NAALADL2: variants seen among roughly 807,000 people sequenced by gnomAD.
NAALADL2 encodes N-acetylated alpha-linked acidic dipeptidase like 2.
NAALADL2 carries 76 observed loss-of-function variants against 87.2 expected under a neutral mutation model. The ratio of observed to expected loss-of-function variants is 0.87; its 90% CI spans 0.72 to 1.05. NAALADL2 has a LOEUF of 1.05. Among genes scored for constraint, NAALADL2 ranks in the 50% least tolerant of loss-of-function variants. The pLI, the probability that NAALADL2 is intolerant of heterozygous loss-of-function variation, is 0.00. For synonymous variants in NAALADL2, 354 were observed against 331.0 expected (o/e 1.07, Z -0.75); for missense variants, 1,089 against 945.8 (o/e 1.15, Z -1.99).
At chr3:175,787,483 G>A (rs866106044) in intron 13 of NAALADL2, among the ~76,000 whole-genome samples, 6 of 152,160 alleles carry the variant, frequency 3.9e-5, no homozygotes, top group South Asian at 4.1e-4. Flanking sequence ...TTCCAGGTGC[G>A]TCCGTCACCC....
chr3:174,680,161 T>C (rs1727405198), intron 2 of NAALADL2, among the ~76,000 whole-genome samples: 1 of 151,936 alleles, frequency 6.6e-6, no homozygotes, highest in Non-Finnish European at 1.5e-5. Context: ...TCTCAAAATG[T>C]TGAAACTTGG....
intron 1 of NAALADL2, among the ~76,000 whole-genome samples, chr3:174,503,393 G>C (rs1406159151): frequency 1.3e-5 from 2 of 152,082 alleles, no homozygotes; most frequent in Non-Finnish European, 2.9e-5. Flanking sequence ...ATGCCAGTCA[G>C]TAATTAAAAC....
intron 2 of NAALADL2, among the ~76,000 whole-genome samples, chr3:174,715,203 T>C (rs1401862285): frequency 6.6e-6 from 1 of 152,310 alleles, no homozygotes; most frequent in East Asian, 1.9e-4. Flanking sequence ...ATATATCACC[T>C]AGTTATACCT....
At chr3:175,692,803 AT>A (rs1408416617) in intron 11 of NAALADL2, among the ~76,000 whole-genome samples, 7 of 151,848 alleles carry the variant, frequency 4.6e-5, no homozygotes, top group African/African-American at 1.2e-4. Flanking sequence ...TTCATTTCTG[AT>A]TTTTTTTCCA....
chr3:174,814,073 T>C (rs1720514159), intron 3 of NAALADL2, among the ~76,000 whole-genome samples: 1 of 152,048 alleles, frequency 6.6e-6, no homozygotes, highest in Admixed American at 6.6e-5. Context: ...GACAACTGTC[T>C]GTTTAGGTAA....
intron 1 of NAALADL2, among the ~76,000 whole-genome samples, chr3:174,996,874 G>A (rs1473283683): frequency 6.6e-6 from 1 of 151,942 alleles, no homozygotes; most frequent in Non-Finnish European, 1.5e-5. Context: ...ACTGATAAAT[G>A]AGAACATACA....
intron 2 of NAALADL2, among the ~76,000 whole-genome samples, chr3:174,681,452 G>A (rs1002252488): frequency 3.3e-5 from 5 of 152,084 alleles, no homozygotes; most frequent in African/African-American, 1.2e-4. Context: ...TGCCTGCAGA[G>A]GAGAGGGAAG....
At chr3:174,825,026 G>C (rs552817772) in intron 3 of NAALADL2, among the ~76,000 whole-genome samples, 1 of 152,246 alleles carries the variant, frequency 6.6e-6, no homozygotes, top group East Asian at 1.9e-4. Context: ...CCCTTTTTCA[G>C]TTTCAAGAAA....
intron 5 of NAALADL2, among the ~76,000 whole-genome samples, chr3:175,339,003 T>C (rs1415279566): frequency 6.6e-6 from 1 of 152,164 alleles, no homozygotes; most frequent in Non-Finnish European, 1.5e-5. Flanking sequence ...CAGGAGGAGT[T>C]TGAAAGCGTC....
intron 5 of NAALADL2, among the ~76,000 whole-genome samples, chr3:175,358,872 G>C (rs965222379): frequency 4.6e-4 from 70 of 152,176 alleles, no homozygotes; most frequent in African/African-American, 1.7e-3. Context: ...AAAAGGTTTA[G>C]GGCCATGCCT....
chr3:174,599,738 C>G (rs1718259719), intron 2 of NAALADL2, among the ~76,000 whole-genome samples: 1 of 152,054 alleles, frequency 6.6e-6, no homozygotes, highest in Non-Finnish European at 1.5e-5. Context: ...TTATTCTTCT[C>G]CTTCCCCTGC....
intron 5 of NAALADL2, among the ~76,000 whole-genome samples, chr3:175,438,527 T>G (rs918611097): frequency 1.3e-5 from 2 of 152,102 alleles, no homozygotes; most frequent in Non-Finnish European, 2.9e-5. Context: ...GATGTTTGGG[T>G]CATTTTCATA....
chr3:175,372,302 G>T (rs1415107737), intron 5 of NAALADL2, among the ~76,000 whole-genome samples: 1 of 152,178 alleles, frequency 6.6e-6, no homozygotes. Context: ...CTTCTGGAGC[G>T]AAAACATGCA....
intron 2 of NAALADL2, among the ~76,000 whole-genome samples, chr3:174,657,655 A>G (rs1027092658): frequency 6.6e-6 from 1 of 152,150 alleles, no homozygotes; most frequent in Non-Finnish European, 1.5e-5. Context: ...AATTGACATC[A>G]GGATTCACTC....
At chr3:174,737,283 G>A (rs1461161925) in intron 2 of NAALADL2, among the ~76,000 whole-genome samples, 1 of 152,204 alleles carries the variant, frequency 6.6e-6, no homozygotes, top group Non-Finnish European at 1.5e-5. Context: ...TTACAGGTGT[G>A]AGCCACTGTG....
chr3:175,244,932 G>A (rs2109675534), intron 3 of NAALADL2, among the ~76,000 whole-genome samples: 1 of 152,232 alleles, frequency 6.6e-6, no homozygotes, highest in South Asian at 2.1e-4. Flanking sequence ...TCTCTCAGCA[G>A]GAGAAAGTAA....
intron 1 of NAALADL2, among the ~76,000 whole-genome samples, chr3:175,085,416 C>A (rs1264425685): frequency 6.6e-6 from 1 of 152,050 alleles, no homozygotes; most frequent in Non-Finnish European, 1.5e-5. Context: ...TTATTGTTAT[C>A]ATAATTTTTG....
intron 2 of NAALADL2, among the ~76,000 whole-genome samples, chr3:174,726,381 G>A (rs13325005): frequency 0.27 from 40,586 of 152,058 alleles, 6,039 homozygotes; most frequent in African/African-American, 0.4. Flanking sequence ...ATGTTACACA[G>A]TAACACATGG....
intron 5 of NAALADL2, among the ~76,000 whole-genome samples, chr3:175,375,539 C>T (rs1767032404): frequency 1.3e-5 from 2 of 152,034 alleles, no homozygotes; most frequent in Non-Finnish European, 2.9e-5. Context: ...GATAATTGAA[C>T]TCTTTATTAT....
Sources: allele counts gnomAD v4.1 joint callset (sites outside exome capture counted in the v4.1 genomes callset), GRCh38; gene constraint gnomAD v4.1.1; transcripts MANE v1.5; gene names NCBI Gene and HGNC (gene_info 2026-07-23, HGNC 2026-07-21).